The following IMPG1 variants were observed in gnomAD, a reference collection of about 807,000 sequenced individuals.
IMPG1 encodes interphotoreceptor matrix proteoglycan of 150 kDa.
A neutral mutation model predicts 92.0 loss-of-function variants in IMPG1; 85 were observed. The ratio of observed to expected loss-of-function variants is 0.92; its 90% CI spans 0.78 to 1.11. The LOEUF (loss-of-function observed/expected upper bound fraction) is 1.11. Among genes scored for constraint, IMPG1 ranks in the 50% least tolerant of loss-of-function variants. The pLI, the probability that IMPG1 is intolerant of heterozygous loss-of-function variation, is 0.00. For synonymous variants in IMPG1, 367 were observed against 334.1 expected, an observed-to-expected ratio of 1.10 and a Z score of -1.08; for missense variants, 1,022 against 956.0, an observed-to-expected ratio of 1.07 and a Z score of -0.91.
chr6:76,038,990 C>T (rs1783789571), intron 2 of IMPG1, among the ~76,000 whole-genome samples: 1 of 152,220 alleles, frequency 6.6e-6, no homozygotes, highest in Non-Finnish European at 1.5e-5. Context: ...TGAAATAACA[C>T]ACTGAAATGG....
intron 12 of IMPG1, among the ~76,000 whole-genome samples, chr6:75,957,219 TTGAG>T (rs1472079993): frequency 1.3e-5 from 2 of 152,112 alleles, no homozygotes; most frequent in African/African-American, 4.8e-5. Context: ...TGCCCAGCCG[TTGAG>T]TGAGTTTCTT....
intron 12 of IMPG1, among the ~76,000 whole-genome samples, chr6:76,002,040 TAACTAA>T (rs1783000238): frequency 6.6e-6 from 1 of 152,210 alleles, no homozygotes; most frequent in Admixed American, 6.5e-5. Context: ...TAGAGACCTC[TAACTAA>T]AACAATAGTA....
chr6:76,036,383 G>A (rs1325405322), intron 2 of IMPG1, among the ~76,000 whole-genome samples: 3 of 152,102 alleles, frequency 2.0e-5, no homozygotes, highest in Non-Finnish European at 2.9e-5. Flanking sequence ...TATTGCATTT[G>A]CAATTTTGTA....
intron 1 of IMPG1, among the ~76,000 whole-genome samples, chr6:76,047,143 A>G (rs1228823716): frequency 6.6e-6 from 1 of 152,048 alleles, no homozygotes; most frequent in East Asian, 1.9e-4. Context: ...TTTCTAACAT[A>G]CCCTTTCACT....
At chr6:75,987,793 C>T (rs2149472075) in intron 12 of IMPG1, among the ~76,000 whole-genome samples, 1 of 152,122 alleles carries the variant, frequency 6.6e-6, no homozygotes, top group East Asian at 1.9e-4. Context: ...TGCAGGCGCC[C>T]ACCACAAGGC....
At chr6:76,071,523 A>T (rs1220566092) in intron 1 of IMPG1, among the ~76,000 whole-genome samples, 1 of 152,006 alleles carries the variant, frequency 6.6e-6, no homozygotes, top group Non-Finnish European at 1.5e-5. Context: ...AAATGCAATC[A>T]CTGAGAAGTT....
intron 12 of IMPG1, among the ~76,000 whole-genome samples, chr6:75,965,673 G>GTGA (rs1562351062): frequency 2.9e-5 from 4 of 139,402 alleles, no homozygotes; most frequent in Non-Finnish European, 6.1e-5. Flanking sequence ...AGTGTGGCCG[G>GTGA]TCTTGGCTTA....
chr6:76,032,520 T>A (rs192930095), intron 4 of IMPG1, among the ~76,000 whole-genome samples: 24 of 152,320 alleles, frequency 1.6e-4, no homozygotes, highest in Middle Eastern at 3.4e-3. Flanking sequence ...TTTTGCTCAG[T>A]TCTGTATAGT....
intron 14 of IMPG1, among the ~76,000 whole-genome samples, chr6:75,941,856 A>C (rs992020604): frequency 6.6e-6 from 1 of 152,314 alleles, no homozygotes; most frequent in South Asian, 2.1e-4. Flanking sequence ...GGACTTTGAC[A>C]TGTGCTCAGT....
chr6:75,946,267 G>C (rs964966981), intron 14 of IMPG1, among the ~76,000 whole-genome samples: 1 of 152,156 alleles, frequency 6.6e-6, no homozygotes, highest in Admixed American at 6.5e-5. Context: ...ACTAAGGTAC[G>C]GAGGCAATTT....
intron 7 of IMPG1, among the ~76,000 whole-genome samples, chr6:76,014,886 A>T (rs1783257443): frequency 6.6e-6 from 1 of 152,198 alleles, no homozygotes; most frequent in Non-Finnish European, 1.5e-5. Context: ...ATTGATTAAG[A>T]GTCAGCTTTG....
intron 1 of IMPG1, among the ~76,000 whole-genome samples, chr6:76,043,286 T>A (rs903780915): frequency 1.3e-5 from 2 of 152,134 alleles, no homozygotes; most frequent in Non-Finnish European, 2.9e-5. Context: ...TAGAGATTTA[T>A]AATCCCATTT....
intron 1 of IMPG1, among the ~76,000 whole-genome samples, chr6:76,060,484 G>A (rs1236021984): frequency 2.0e-5 from 3 of 152,152 alleles, no homozygotes; most frequent in African/African-American, 7.2e-5. Flanking sequence ...AACTCATTGT[G>A]AGATAAGCTT....
In IMPG1 at chr6:75,947,344, T is replaced by C; in HGVS notation, c.2014A>G (p.Ile672Val). The C allele has an allele frequency of 6.2e-7, 1 of 1,613,936 alleles. No homozygotes were observed. The highest frequency in any genetic ancestry group is 1.7e-5 in the Admixed American group (1 of 59,986). The change falls in exon 14 of 17, where the codon ATA becomes GTA. Residue 672 changes from isoleucine to valine, a missense_variant. Physicochemically the swap from Ile to Val is conservative, Grantham distance 29. Around this residue, in one of 3 missense-constraint regions of IMPG1, gnomAD observed 332 missense variants for 346.2 expected, o/e 0.96. Transcript: ENST00000369950. Reference sequence around the variant, plus strand: ...TCAATGTTGAGAGAGTAGCTGTCTATTTCCAGATGGAGTTGTTGGGCTGCA... The same window carrying C: ...TCAATGTTGAGAGAGTAGCTGTCTACTTCCAGATGGAGTTGTTGGGCTGCA... ...SAAAQQLHLE[I>V]DSYSLNIEPA...
rs755769585 is a variant in IMPG1, at chr6:76,011,237, A to G, written c.808-13T>C. On this transcript the variant is annotated splice_polypyrimidine_tract_variant and intron_variant, in intron 7 of 16. Coordinates refer to ENST00000369950, the MANE Select transcript of IMPG1 (RefSeq NM_001563.4). Reference sequence around the variant, plus strand: ...ATATCTTTTGCATCTGCAGAGAGAAAGAAATTTGTAAAATACTCTTTGGTT... The same window carrying G: ...ATATCTTTTGCATCTGCAGAGAGAAGGAAATTTGTAAAATACTCTTTGGTT... The G allele has an allele frequency of 4.8e-6, 7 of 1,450,892 alleles. No individual in the cohort carries two copies. In the East Asian group the frequency reaches 1.6e-4, roughly 33 times the overall value. 89.9% of individuals were successfully genotyped at this position (1,450,892 alleles called of 1,614,324 possible).
chr6:75,990,133 T>C (rs1263447562), intron 12 of IMPG1, among the ~76,000 whole-genome samples: 1 of 152,220 alleles, frequency 6.6e-6, no homozygotes, highest in Non-Finnish European at 1.5e-5. Context: ...TTCATCCCTA[T>C]CAATGAAGTA....
chr6:76,072,306 G>A (rs1478492432), intron 1 of IMPG1, 116 bp downstream of exon 1: 3 of 544,332 alleles, frequency 5.5e-6, no homozygotes, highest in Non-Finnish European at 9.8e-6. Context: ...TTTATTCAAG[G>A]CCTACTATAT....
intron 1 of IMPG1, among the ~76,000 whole-genome samples, chr6:76,043,265 C>A (rs1241960366): frequency 6.6e-6 from 1 of 151,864 alleles, no homozygotes; most frequent in East Asian, 1.9e-4. Context: ...AGACTCCAAA[C>A]ATGGGGCTTA....
At chr6:75,980,501 T>C (rs930041660) in intron 12 of IMPG1, among the ~76,000 whole-genome samples, 4 of 152,152 alleles carry the variant, frequency 2.6e-5, no homozygotes, top group African/African-American at 9.7e-5. Flanking sequence ...CCACACTCAA[T>C]CTGGGTGGGC....
Sources: allele counts gnomAD v4.1 joint callset (sites outside exome capture counted in the v4.1 genomes callset), GRCh38; gene constraint gnomAD v4.1.1; regional missense constraint gnomAD v4.1.1; transcripts MANE v1.5; gene names NCBI Gene and HGNC (gene_info 2026-07-23, HGNC 2026-07-21).